Variants in CCDC92 observed in about 807,000 individuals in gnomAD.
CCDC92 encodes coiled-coil domain containing 92, also known as coiled-coil domain-containing protein 92.
In CCDC92, 12 loss-of-function variants were observed where a neutral mutation model predicts 24.9. The observed-to-expected ratio is 0.48, with a 90% CI of 0.31 to 0.78. The LOEUF (loss-of-function observed/expected upper bound fraction) is 0.78, where lower values mean the gene tolerates loss of function less well. Among genes scored for constraint, CCDC92 ranks in the 30% least tolerant of loss-of-function variants. The probability of loss-of-function intolerance (pLI) is 0.05; values close to 1 mark genes in which losing one functional copy is unlikely to be tolerated. For missense variants in CCDC92, 399 were observed against 439.4 expected (o/e 0.91, Z 0.82); for synonymous variants, 193 against 196.3 (o/e 0.98, Z 0.14).
At chr12:123,942,493 A>G (rs1955714607) in intron 4 of CCDC92, among the ~76,000 whole-genome samples, 1 of 152,254 alleles carries the variant, frequency 6.6e-6, no homozygotes, top group Non-Finnish European at 1.5e-5. Flanking sequence ...AGAAAAACAT[A>G]TAATAGGCAT....
intron 1 of CCDC92, chr12:123,944,833 CAA>C (rs1032182428): frequency 9.9e-5 from 15 of 151,988 alleles, no homozygotes; most frequent in African/African-American, 2.7e-4. Flanking sequence ...AAAAGAGAAA[CAA>C]GAGGCCCTTT....
intron 1 of CCDC92, among the ~76,000 whole-genome samples, chr12:123,969,355 G>C (rs1266835414): frequency 3.3e-5 from 5 of 151,702 alleles, no homozygotes; most frequent in African/African-American, 1.2e-4. Flanking sequence ...AGGTGGATAT[G>C]ACTGGACTTT....
intron 1 of CCDC92, among the ~76,000 whole-genome samples, chr12:123,950,507 G>A (rs1406501709): frequency 6.6e-6 from 1 of 152,292 alleles, no homozygotes; most frequent in East Asian, 1.9e-4. Context: ...GTGAGGGTGG[G>A]GCTTTCTGGG....
At chr12:123,966,210 TC>T (rs1956389323) in intron 1 of CCDC92, 1 of 152,134 alleles carries the variant, frequency 6.6e-6, no homozygotes, top group Non-Finnish European at 1.5e-5. Context: ...CACTGTCTTG[TC>T]CACAATCAGA....
chr12:123,957,699 CTTTTTTTTTTTTTT>C (rs59738995), intron 1 of CCDC92, among the ~76,000 whole-genome samples: 41 of 75,900 alleles, frequency 5.4e-4, no homozygotes, highest in Non-Finnish European at 8.8e-4. Flanking sequence ...TTTTTTCCTT[CTTTTTTTTTTTTTT>C]TTTTTTTTTT....
intron 1 of CCDC92, among the ~76,000 whole-genome samples, chr12:123,955,094 C>A (rs1956119775): frequency 6.6e-6 from 1 of 152,208 alleles, no homozygotes; most frequent in Non-Finnish European, 1.5e-5. Flanking sequence ...CTGGGGATCA[C>A]CCAAATAGCC....
At chr12:123,961,999 C>T (rs1040804470) in intron 1 of CCDC92, among the ~76,000 whole-genome samples, 24 of 152,286 alleles carry the variant, frequency 1.6e-4, no homozygotes, top group African/African-American at 4.8e-4. Context: ...GTGCATATCC[C>T]GCACAGCCTG....
At chr12:123,956,212 T>C (rs1956147143) in intron 1 of CCDC92, 1 of 152,262 alleles carries the variant, frequency 6.6e-6, no homozygotes, top group African/African-American at 2.4e-5. Flanking sequence ...GAACATTTAT[T>C]TATTTGGAAT....
At chr12:123,951,078 T>G (rs1348197609) in intron 1 of CCDC92, among the ~76,000 whole-genome samples, 5 of 152,034 alleles carry the variant, frequency 3.3e-5, no homozygotes, top group African/African-American at 1.2e-4. Flanking sequence ...TGTCTAGAAC[T>G]CCCATGGCAA....
At chr12:123,938,624 G>A (rs1199372814) in intron 4 of CCDC92, among the ~76,000 whole-genome samples, 1 of 152,138 alleles carries the variant, frequency 6.6e-6, no homozygotes, top group Admixed American at 6.5e-5. Flanking sequence ...TCCTAACGCT[G>A]GCTGGCTGGC....
At chr12:123,946,671 A>G (rs1423653199) in intron 1 of CCDC92, 1 of 152,426 alleles carries the variant, frequency 6.6e-6, no homozygotes, top group Non-Finnish European at 1.5e-5. Flanking sequence ...GCCTGGTGCC[A>G]GTCTGTTGAG....
chr12:123,949,405 T>C (rs1390847661), intron 1 of CCDC92, among the ~76,000 whole-genome samples: 3 of 152,250 alleles, frequency 2.0e-5, no homozygotes, highest in Non-Finnish European at 4.4e-5. Flanking sequence ...GGCCAGGACA[T>C]TGGTCTTCTT....
intron 1 of CCDC92, among the ~76,000 whole-genome samples, chr12:123,971,177 C>T (rs556309415): frequency 1.4e-4 from 22 of 152,210 alleles, no homozygotes; most frequent in African/African-American, 5.3e-4. Flanking sequence ...AATTATAATA[C>T]GCAGAGGAGT....
intron 1 of CCDC92, among the ~76,000 whole-genome samples, chr12:123,948,065 T>C (rs1229315089): frequency 6.6e-6 from 1 of 152,182 alleles, no homozygotes; most frequent in Non-Finnish European, 1.5e-5. Context: ...GGCTTCATTC[T>C]TGAAGTCAGT....
chr12:123,943,934 T>G, intron 2 of CCDC92: 1 of 476,498 alleles, frequency 2.1e-6, no homozygotes, highest in East Asian at 3.8e-5. Context: ...CCCAACAGAC[T>G]GTGACTGACC....
intron 1 of CCDC92, among the ~76,000 whole-genome samples, chr12:123,948,824 GCTTT>G (rs1955949792): frequency 6.6e-6 from 1 of 152,166 alleles, no homozygotes; most frequent in Non-Finnish European, 1.5e-5. Context: ...AATATCACTG[GCTTT>G]CTGAGGGCAA....
Position 123,960,012 on chromosome 12 carries a change from T to C in CCDC92, c.-60+12517A>G, listed in dbSNP as rs188678565. Among the ~76,000 whole-genome samples the C allele has an allele frequency of 2.6e-3, 401 of 152,370 alleles. 2 individuals carry two copies. Among genetic ancestry groups the C allele is most frequent in the Admixed American group, 4.6e-3 (70 of 15,314 alleles). On this transcript the variant is annotated intron_variant, in intron 1 of 4. Transcript: ENST00000238156. ...TGCTGGAATAATTTAACAATTTTTT[T>C]CAACTGCCATCATCATCATGCCATT... is the stretch of plus-strand genomic sequence containing the variant.
At position 123,943,341 on chromosome 12, in the gene CCDC92, A is replaced by T. The variant is rs371897741; in HGVS notation, c.181+6T>A. ...CCCGCCTGCCCGGGCCTGCTCCCCG[A>T]TGTACCTGTGCAGTGCTGCTGCAGC... On this transcript the variant is annotated splice_donor_region_variant and intron_variant, in intron 3 of 4. Transcript: ENST00000238156. The T allele has an allele frequency of 6.2e-7, 1 of 1,611,718 alleles. No homozygotes were observed. Among genetic ancestry groups the T allele is most frequent in the African/African-American group, 1.3e-5 (1 of 74,868 alleles).
intron 1 of CCDC92, among the ~76,000 whole-genome samples, chr12:123,970,730 A>C (rs995928322): frequency 2.6e-5 from 4 of 152,264 alleles, no homozygotes; most frequent in Non-Finnish European, 2.9e-5. Flanking sequence ...TGTGCCCACT[A>C]TGTATTAGAA....
Sources: gnomAD v4.1 joint callset for allele counts (sites outside exome capture counted in the v4.1 genomes callset) on GRCh38, gnomAD v4.1.1 for gene constraint, MANE v1.5 for transcripts, NCBI Gene and HGNC (gene_info 2026-07-23, HGNC 2026-07-21) for gene names.